SDK2: variants seen among roughly 807,000 people sequenced by gnomAD.
The protein encoded by SDK2 is sidekick cell adhesion molecule 2, also known as protein sidekick-2.
In SDK2, 105 loss-of-function variants were observed where a neutral mutation model predicts 253.9. That is an observed-to-expected ratio of 0.41 (90% CI 0.35 to 0.49). The LOEUF is 0.49. Ranked by LOEUF, SDK2 falls within the 20% of genes least tolerant of loss-of-function variation. The pLI is 0.06. For missense variants in SDK2, 2,608 were observed against 3,003.0 expected (o/e 0.87, Z 3.07); for synonymous variants, 1,249 against 1,234.9 (o/e 1.01, Z -0.24).
At position 73,437,750 on chromosome 17, in the gene SDK2, CA is replaced by C; in HGVS notation, c.988del (p.Cys330ValfsTer25). Reference sequence around the variant, plus strand: ...TGCCACCTCATTACCTTTGGCCTGACAGGGGATGTCCACCACCTTCTCCATC... The same window carrying C: ...TGCCACCTCATTACCTTTGGCCTGACGGGGATGTCCACCACCTTCTCCATC... ...AEMEKVVDIPCQAKGVPPPSI... is the reference protein window; with the variant it reads ...AEMEKVVDIPXQAKGVPPPSI... On this transcript the variant is annotated frameshift_variant, in exon 8 of 45. Coordinates refer to ENST00000392650, the MANE Select transcript of SDK2 (RefSeq NM_001144952.2). LOFTEE classifies it high-confidence loss of function. 1 of 1,613,862 alleles carries C rather than the reference CA, an allele frequency of 6.2e-7. No homozygotes were observed. The highest frequency in any genetic ancestry group is 8.5e-7 in the Non-Finnish European group (1 of 1,179,752).
chr17:73,543,336 G>A (rs1231879041), intron 1 of SDK2, among the ~76,000 whole-genome samples: 2 of 152,100 alleles, frequency 1.3e-5, no homozygotes, highest in Non-Finnish European at 2.9e-5. Flanking sequence ...CTGTCCTTCC[G>A]ATGTCCTCAA....
At chr17:73,615,897 A>C (rs1057497942) in intron 1 of SDK2, among the ~76,000 whole-genome samples, 2 of 152,202 alleles carry the variant, frequency 1.3e-5, no homozygotes, top group African/African-American at 4.8e-5. Context: ...TCACACATAC[A>C]TATATGTACA....
chr17:73,428,433 C>T (rs565448023), intron 12 of SDK2, among the ~76,000 whole-genome samples: 4 of 152,204 alleles, frequency 2.6e-5, no homozygotes, highest in South Asian at 2.1e-4. Context: ...AGGCCCTCAC[C>T]CCTGCACCTG....
chr17:73,428,204 C>G (rs1003344003), intron 12 of SDK2, among the ~76,000 whole-genome samples: 7 of 152,160 alleles, frequency 4.6e-5, no homozygotes, highest in African/African-American at 1.7e-4. Context: ...CGCCTGTAAT[C>G]CTAGCACTTT....
chr17:73,336,290 G>A lies in SDK2; in HGVS notation c.*2297C>T, dbSNP rs952726357. 8 of 152,218 alleles carry A rather than the reference G, an allele frequency of 5.3e-5. No individual in the cohort carries two copies. The highest frequency in any genetic ancestry group is 1.9e-4 in the African/African-American group (8 of 41,432). The allele number at this position is 152,218 out of a possible 1,614,324, so 9.4% of individuals were successfully genotyped here. A position where few individuals can be genotyped will look rare whatever the true frequency, so the allele number is the denominator to read the frequency against. On this transcript the variant is annotated 3_prime_UTR_variant, in exon 45 of 45. Transcript: ENST00000392650. ...GGAGATGCCAGATGCTGCAGAGGGTGGGGGCGGAGGTGGCAGGGGTGGAGC... is the reference window on the plus strand; with the variant it reads ...GGAGATGCCAGATGCTGCAGAGGGTAGGGGCGGAGGTGGCAGGGGTGGAGC...
At chr17:73,433,666 G>T in intron 10 of SDK2, 66 bp downstream of exon 10, 2 of 1,241,124 alleles carry the variant, frequency 1.6e-6, no homozygotes. Context: ...TGGCTCCAGA[G>T]CCTAGTTCTG....
intron 14 of SDK2, 35 bp from the exon 15 acceptor site, chr17:73,422,469 C>T (rs368008668): frequency 1.1e-4 from 169 of 1,604,394 alleles, no homozygotes; most frequent in Non-Finnish European, 1.4e-4. Context: ...AAGTGGGTAT[C>T]TTGGGTGGGA....
chr17:73,356,305 C>A (rs1181683677), intron 40 of SDK2, among the ~76,000 whole-genome samples: 3 of 152,278 alleles, frequency 2.0e-5, no homozygotes, highest in South Asian at 2.1e-4. Flanking sequence ...CCACCCCACA[C>A]AGGGACAAAG....
chr17:73,350,939 T>A (rs1292540497), intron 41 of SDK2, 149 bp from the exon 42 acceptor site: 2 of 794,892 alleles, frequency 2.5e-6, no homozygotes, highest in Admixed American at 3.0e-5. Context: ...GTAAGGACAG[T>A]TTCACCTCAA....
chr17:73,494,355 C>T (rs971726805), intron 2 of SDK2, among the ~76,000 whole-genome samples: 22 of 152,148 alleles, frequency 1.4e-4, no homozygotes, highest in Admixed American at 1.2e-3. Context: ...GGCTGCGTGA[C>T]TCTCTCATAG....
chr17:73,644,427 G>A lies in SDK2; in HGVS notation c.-339C>T, dbSNP rs2046438442. ...GCGGCCTCTGCGATCCGGCCGGGTC[G>A]CCGGCCGAGCTCCGGAATAAATGGA... On this transcript the variant is annotated 5_prime_UTR_variant, in exon 1 of 45. Coordinates refer to ENST00000392650, the MANE Select transcript of SDK2 (RefSeq NM_001144952.2). The surrounding 1 kb of genome is among the most constrained non-coding windows in gnomAD (Gnocchi z 6.3). Among the ~76,000 whole-genome samples, 1 of 152,056 alleles carries A rather than the reference G, an allele frequency of 6.6e-6. No individual in the cohort carries two copies. The highest frequency in any genetic ancestry group is 2.4e-5 in the African/African-American group (1 of 41,420).
chr17:73,477,877 A>G (rs1227781440), intron 2 of SDK2, among the ~76,000 whole-genome samples: 3 of 152,094 alleles, frequency 2.0e-5, no homozygotes, highest in Admixed American at 6.6e-5. Flanking sequence ...TGCAACCTTA[A>G]TCTCTATTCA....
intron 1 of SDK2, among the ~76,000 whole-genome samples, chr17:73,568,280 A>G (rs2045335917): frequency 6.6e-6 from 1 of 152,146 alleles, no homozygotes; most frequent in Non-Finnish European, 1.5e-5. Flanking sequence ...ATGTGACACA[A>G]CTGCTCCCTC....
At chr17:73,472,028 C>G (rs1214076750) in intron 3 of SDK2, 84 bp downstream of exon 3, 2 of 1,003,388 alleles carry the variant, frequency 2.0e-6, no homozygotes, top group African/African-American at 3.2e-5. Flanking sequence ...ATGACGGGAT[C>G]TGGCTCTGCC....
rs189668631 is a variant in SDK2, at chr17:73,625,543, G to A, written c.64+18482C>T. Among the ~76,000 whole-genome samples, 765 of 152,340 alleles carry A rather than the reference G, an allele frequency of 5.0e-3. 4 individuals carry two copies. The highest frequency in any genetic ancestry group is 0.01 in the Middle Eastern group (3 of 294). The stretch of plus-strand genomic sequence containing the variant: ...CTTGCGACCTGGGCAGTCACCCTGG[G>A]CCCCACGCCTAGAAGGGCACCACCC... On this transcript the variant is annotated intron_variant, in intron 1 of 44. Coordinates refer to ENST00000392650, the MANE Select transcript of SDK2 (RefSeq NM_001144952.2).
intron 1 of SDK2, among the ~76,000 whole-genome samples, chr17:73,539,902 A>T (rs957077386): frequency 2.6e-5 from 4 of 152,064 alleles, no homozygotes; most frequent in African/African-American, 9.7e-5. Flanking sequence ...CCCCCACCAG[A>T]GACGGGGTCA....
intron 2 of SDK2, 101 bp downstream of exon 2, chr17:73,507,337 G>C: frequency 7.8e-7 from 1 of 1,281,530 alleles, no homozygotes; most frequent in Admixed American, 2.5e-5. Flanking sequence ...TAGGAGCCCT[G>C]AGCCCCACAC....
At chr17:73,561,351 G>A (rs1453437279) in intron 1 of SDK2, among the ~76,000 whole-genome samples, 1 of 152,192 alleles carries the variant, frequency 6.6e-6, no homozygotes, top group Non-Finnish European at 1.5e-5. Flanking sequence ...AGGTAGAGAG[G>A]AAAGTCTCCA....
intron 4 of SDK2, among the ~76,000 whole-genome samples, chr17:73,453,016 G>C (rs1006786951): frequency 6.6e-6 from 1 of 152,212 alleles, no homozygotes; most frequent in Non-Finnish European, 1.5e-5. Context: ...TGAGTCCCCT[G>C]TTAACCTGGG....
Sources: gnomAD v4.1 joint callset for allele counts (sites outside exome capture counted in the v4.1 genomes callset) on GRCh38, gnomAD v4.1.1 for gene constraint, Gnocchi (gnomAD v3.1) non-coding constraint, MANE v1.5 for transcripts, NCBI Gene and HGNC (gene_info 2026-07-23, HGNC 2026-07-21) for gene names.